The following CDH12 variants were observed in gnomAD, a reference collection of about 807,000 sequenced individuals.
CDH12 encodes the protein cadherin-12.
In CDH12, 41 loss-of-function variants were observed where a neutral mutation model predicts 74.1. That is an observed-to-expected ratio of 0.55 (90% CI 0.43 to 0.72). The LOEUF (loss-of-function observed/expected upper bound fraction) is 0.72. Ranked by LOEUF, CDH12 falls within the 30% of genes least tolerant of loss-of-function variation. The probability of loss-of-function intolerance (pLI) is 0.00; values close to 1 mark genes in which losing one functional copy is unlikely to be tolerated. For missense variants in CDH12, 945 were observed against 977.2 expected, an observed-to-expected ratio of 0.97 and a Z score of 0.44; for synonymous variants, 399 against 355.0, an observed-to-expected ratio of 1.12 and a Z score of -1.39.
chr5:21,883,526 A>G (rs878980743), intron 6 of CDH12: 12 of 1,612,434 alleles, frequency 7.4e-6, no homozygotes, highest in South Asian at 3.3e-5. Flanking sequence ...GAAAGAACCA[A>G]CTTAAAGATA....
intron 5 of CDH12, among the ~76,000 whole-genome samples, chr5:22,035,871 G>A (rs748304759): frequency 6.6e-6 from 1 of 152,058 alleles, no homozygotes; most frequent in Non-Finnish European, 1.5e-5. Context: ...ATTTATGACA[G>A]CCATTAAGCT....
chr5:22,347,989 C>T (rs567267058), intron 3 of CDH12, among the ~76,000 whole-genome samples: 2 of 152,260 alleles, frequency 1.3e-5, no homozygotes, highest in Admixed American at 1.3e-4. Context: ...AGATTTTTGG[C>T]TCTCCTCCAG....
chr5:22,550,277 T>C (rs1738511005), intron 1 of CDH12, among the ~76,000 whole-genome samples: 1 of 152,222 alleles, frequency 6.6e-6, no homozygotes, highest in Admixed American at 6.5e-5. Flanking sequence ...CAATTTCATA[T>C]ATCATTTGTA....
At chr5:21,913,578 T>G (rs1157254139) in intron 6 of CDH12, among the ~76,000 whole-genome samples, 2 of 152,124 alleles carry the variant, frequency 1.3e-5, no homozygotes, top group African/African-American at 2.4e-5. Context: ...TTTTATAAAT[T>G]AATTTATTTT....
chr5:21,932,073 A>G (rs1754865472), intron 6 of CDH12, among the ~76,000 whole-genome samples: 1 of 152,222 alleles, frequency 6.6e-6, no homozygotes, highest in Non-Finnish European at 1.5e-5. Flanking sequence ...TAAGTTTTAC[A>G]AAACAACATT....
At chr5:22,550,608 C>T (rs189136535) in intron 1 of CDH12, among the ~76,000 whole-genome samples, 2 of 152,280 alleles carry the variant, frequency 1.3e-5, no homozygotes, top group African/African-American at 2.4e-5. Context: ...ACTACTACAC[C>T]TTAAGTCCAA....
intron 3 of CDH12, among the ~76,000 whole-genome samples, chr5:22,312,192 G>C (rs1483053259): frequency 1.3e-5 from 2 of 151,566 alleles, no homozygotes; most frequent in Non-Finnish European, 2.9e-5. Context: ...AAATATACTA[G>C]ATAAAATGAG....
intron 1 of CDH12, among the ~76,000 whole-genome samples, chr5:22,691,046 C>A (rs1460778308): frequency 6.6e-6 from 1 of 152,132 alleles, no homozygotes; most frequent in Non-Finnish European, 1.5e-5. Flanking sequence ...TTAGCATTTA[C>A]CTATGTTTTT....
At chr5:21,755,883 C>A (rs1291859661) in intron 13 of CDH12, 41 bp from the exon 14 acceptor site, 3 of 1,596,720 alleles carry the variant, frequency 1.9e-6, no homozygotes, top group Non-Finnish European at 2.6e-6. Flanking sequence ...TTACTATAAG[C>A]TTCACTTCAA....
intron 3 of CDH12, among the ~76,000 whole-genome samples, chr5:22,360,793 C>T (rs1454557226): frequency 6.6e-6 from 1 of 152,070 alleles, no homozygotes; most frequent in Admixed American, 6.6e-5. Flanking sequence ...AATCAATAAA[C>T]GTAATCCAGC....
At chr5:22,823,377 G>A (rs1056617170) in intron 1 of CDH12, among the ~76,000 whole-genome samples, 13 of 152,016 alleles carry the variant, frequency 8.6e-5, no homozygotes, top group Non-Finnish European at 1.6e-4. Context: ...AAAACTTAAA[G>A]TATAATAATA....
intron 2 of CDH12, among the ~76,000 whole-genome samples, chr5:22,427,335 T>C (rs1304888654): frequency 2.0e-5 from 3 of 151,950 alleles, no homozygotes; most frequent in African/African-American, 7.3e-5. Context: ...GCCCGGCTAA[T>C]TTTTATATTT....
At chr5:22,167,285 T>C (rs189595109) in intron 4 of CDH12, among the ~76,000 whole-genome samples, 1 of 152,322 alleles carries the variant, frequency 6.6e-6, no homozygotes, top group African/African-American at 2.4e-5. Context: ...GCAGAATATA[T>C]AAATGCCAAT....
chr5:22,140,834 C>T (rs535979242), intron 4 of CDH12, among the ~76,000 whole-genome samples: 2 of 152,254 alleles, frequency 1.3e-5, no homozygotes, highest in East Asian at 3.9e-4. Context: ...CATTCTAGTG[C>T]TACACAGACT....
intron 1 of CDH12, among the ~76,000 whole-genome samples, chr5:22,678,664 G>A (rs1347787675): frequency 6.6e-6 from 1 of 151,910 alleles, no homozygotes; most frequent in Non-Finnish European, 1.5e-5. Context: ...AAACTCTAAA[G>A]TGTTTTTTCT....
At chr5:22,360,293 C>T (rs1324594228) in intron 3 of CDH12, among the ~76,000 whole-genome samples, 4 of 152,122 alleles carry the variant, frequency 2.6e-5, no homozygotes, top group Non-Finnish European at 5.9e-5. Flanking sequence ...TCAGAGAATA[C>T]TATAAACACC....
At chr5:22,156,058 T>A (rs1406359035) in intron 4 of CDH12, among the ~76,000 whole-genome samples, 1 of 152,146 alleles carries the variant, frequency 6.6e-6, no homozygotes, top group Non-Finnish European at 1.5e-5. Flanking sequence ...CTTTGCTTAC[T>A]GATATATATA....
At chr5:21,761,511 T>C (rs1311000225) in intron 12 of CDH12, among the ~76,000 whole-genome samples, 1 of 152,142 alleles carries the variant, frequency 6.6e-6, no homozygotes, top group Non-Finnish European at 1.5e-5. Flanking sequence ...CAGATAATCA[T>C]GCTCTCAGAC....
chr5:21,896,422 T>C (rs1324609914), intron 6 of CDH12, among the ~76,000 whole-genome samples: 1 of 152,230 alleles, frequency 6.6e-6, no homozygotes, highest in African/African-American at 2.4e-5. Flanking sequence ...TCATTATATG[T>C]AAACTATTTC....
Sources: gnomAD v4.1 joint callset for allele counts (sites outside exome capture counted in the v4.1 genomes callset) on GRCh38, gnomAD v4.1.1 for gene constraint, MANE v1.5 for transcripts, NCBI Gene and HGNC (gene_info 2026-07-23, HGNC 2026-07-21) for gene names.